Variants in HECW1 observed in about 807,000 individuals in gnomAD.
HECW1 encodes HECT, C2 and WW domain containing E3 ubiquitin protein ligase 1, also known as E3 ubiquitin-protein ligase HECW1.
HECW1 carries 61 observed loss-of-function variants against 182.3 expected under a neutral mutation model. That is an observed-to-expected ratio of 0.33 (90% CI 0.27 to 0.41). The LOEUF (loss-of-function observed/expected upper bound fraction) is 0.41. Among genes scored for constraint, HECW1 ranks in the 10% least tolerant of loss-of-function variants. The pLI is 1.00. For missense variants in HECW1, 1,739 were observed against 2,108.9 expected, an observed-to-expected ratio of 0.82 and a Z score of 3.44; for synonymous variants, 859 against 832.6, an observed-to-expected ratio of 1.03 and a Z score of -0.55.
intron 2 of HECW1, among the ~76,000 whole-genome samples, chr7:43,225,047 C>A (rs1321696744): frequency 2.0e-5 from 3 of 152,060 alleles, no homozygotes; most frequent in African/African-American, 7.2e-5. Context: ...AGATTGGTGG[C>A]AGGTAAATCC....
At chr7:43,208,524 G>A (rs900580958) in intron 2 of HECW1, among the ~76,000 whole-genome samples, 6 of 152,228 alleles carry the variant, frequency 3.9e-5, no homozygotes, top group African/African-American at 1.2e-4. Context: ...CAGGGTCTGG[G>A]CCTGGCAGTA....
At chr7:43,126,029 G>A (rs1786197198) in intron 2 of HECW1, among the ~76,000 whole-genome samples, 1 of 140,870 alleles carries the variant, frequency 7.1e-6, no homozygotes, top group African/African-American at 2.6e-5. Flanking sequence ...CAAAATCCAT[G>A]TAAATGCAAG....
At chr7:43,520,813 A>G (rs927687608) in intron 24 of HECW1, among the ~76,000 whole-genome samples, 2 of 152,186 alleles carry the variant, frequency 1.3e-5, no homozygotes, top group Non-Finnish European at 2.9e-5. Context: ...GCTTCTGTGC[A>G]AAATAGCTTG....
chr7:43,538,971 AT>A (rs1293363677), intron 24 of HECW1, among the ~76,000 whole-genome samples: 1 of 151,604 alleles, frequency 6.6e-6, no homozygotes, highest in African/African-American at 2.4e-5. Flanking sequence ...TACTACAAAG[AT>A]TTTTTTTTCT....
At chr7:43,149,201 C>T (rs1299331492) in intron 2 of HECW1, among the ~76,000 whole-genome samples, 4 of 152,132 alleles carry the variant, frequency 2.6e-5, no homozygotes, top group African/African-American at 4.8e-5. Context: ...AGAGCAGCGA[C>T]CCCCTTAACC....
At chr7:43,499,340 A>G (rs1229407174) in intron 19 of HECW1, among the ~76,000 whole-genome samples, 3 of 152,114 alleles carry the variant, frequency 2.0e-5, no homozygotes, top group Middle Eastern at 3.4e-3. Flanking sequence ...GTGGCGGTGC[A>G]TGCCTATAAT....
At position 43,444,242 on chromosome 7, in the gene HECW1, C is replaced by A; in HGVS notation, c.1070C>A (p.Thr357Asn). 1 of 1,608,958 alleles carries A rather than the reference C, an allele frequency of 6.2e-7. No homozygotes were observed. The highest frequency in any genetic ancestry group is 8.5e-7 in the Non-Finnish European group (1 of 1,176,026). Residue 357 changes from threonine to asparagine, a missense_variant, in exon 11 of 30, where the codon ACC becomes AAC. Coordinates refer to ENST00000395891, the MANE Select transcript of HECW1 (RefSeq NM_015052.5). This position sits in a 1 kb window ranked among gnomAD's most constrained non-coding sequence, Gnocchi z 4.3. ...HPDDEEISLSTEPESAQIQDS... is the reference protein window; with the variant it reads ...HPDDEEISLSNEPESAQIQDS... The stretch of plus-strand genomic sequence containing the variant: ...GATGATGAGGAGATTTCCCTGAGTA[C>A]CGAGCCTGAGTCAGCCCAAATTCAG...
At chr7:43,410,178 T>C (rs2075753063) in intron 8 of HECW1, among the ~76,000 whole-genome samples, 1 of 152,188 alleles carries the variant, frequency 6.6e-6, no homozygotes, top group Admixed American at 6.5e-5. Context: ...ATTTTCTTCC[T>C]GGGAGAAAAT....
intron 2 of HECW1, among the ~76,000 whole-genome samples, chr7:43,237,096 T>A (rs1267965737): frequency 9.1e-6 from 1 of 110,260 alleles, no homozygotes; most frequent in African/African-American, 3.8e-5. Flanking sequence ...GAAGCAGGGA[T>A]GGGAGGGAGG....
intron 3 of HECW1, among the ~76,000 whole-genome samples, chr7:43,294,195 C>T (rs1444573888): frequency 6.6e-6 from 1 of 152,230 alleles, no homozygotes; most frequent in Non-Finnish European, 1.5e-5. Context: ...GAGCTGCTCA[C>T]TCCCAAAAGG....
intron 2 of HECW1, among the ~76,000 whole-genome samples, chr7:43,182,168 T>C (rs1341287640): frequency 6.6e-6 from 1 of 152,228 alleles, no homozygotes; most frequent in East Asian, 1.9e-4. Flanking sequence ...TATTTCCACT[T>C]GTCTATTTTT....
chr7:43,354,825 A>G (rs931435168), intron 5 of HECW1, among the ~76,000 whole-genome samples: 1 of 152,198 alleles, frequency 6.6e-6, no homozygotes, highest in Non-Finnish European at 1.5e-5. Flanking sequence ...GAGAACACCA[A>G]ACAGATTCAA....
intron 2 of HECW1, among the ~76,000 whole-genome samples, chr7:43,170,794 G>A (rs1287465326): frequency 6.6e-6 from 1 of 152,210 alleles, no homozygotes; most frequent in Non-Finnish European, 1.5e-5. Context: ...AGCTGACCGT[G>A]CAAAGGTGGG....
At chr7:43,242,769 G>A (rs1301334125) in intron 2 of HECW1, among the ~76,000 whole-genome samples, 1 of 152,216 alleles carries the variant, frequency 6.6e-6, no homozygotes, top group Non-Finnish European at 1.5e-5. Flanking sequence ...ATGGGGCAGA[G>A]CTGGGGCAGC....
chr7:43,211,785 C>T (rs578249675), intron 2 of HECW1, among the ~76,000 whole-genome samples: 1 of 152,280 alleles, frequency 6.6e-6, no homozygotes, highest in East Asian at 1.9e-4. Flanking sequence ...TAAATCAAGA[C>T]ATCATAAACC....
chr7:43,475,484 G>A (rs941485245), intron 16 of HECW1, among the ~76,000 whole-genome samples: 2 of 152,140 alleles, frequency 1.3e-5, no homozygotes, highest in East Asian at 1.9e-4. Flanking sequence ...AGACTTAGTA[G>A]CATTAGGGAA....
chr7:43,164,804 T>G (rs553311227), intron 2 of HECW1, among the ~76,000 whole-genome samples: 1 of 152,320 alleles, frequency 6.6e-6, no homozygotes, highest in Non-Finnish European at 1.5e-5. Flanking sequence ...TCTTCCAGAA[T>G]TAGAAAGGAG....
chr7:43,391,058 G>T (rs1029809015), intron 6 of HECW1, among the ~76,000 whole-genome samples: 2 of 152,090 alleles, frequency 1.3e-5, no homozygotes, highest in Non-Finnish European at 2.9e-5. Context: ...TTTAGAATTT[G>T]GCAGGAGACA....
intron 24 of HECW1, among the ~76,000 whole-genome samples, chr7:43,515,233 G>A (rs988201861): frequency 6.6e-6 from 1 of 152,130 alleles, no homozygotes; most frequent in African/African-American, 2.4e-5. Flanking sequence ...GTCGGGTAGG[G>A]AAAAGCATTT....
Sources: allele counts gnomAD v4.1 joint callset (sites outside exome capture counted in the v4.1 genomes callset), GRCh38; gene constraint gnomAD v4.1.1; non-coding constraint Gnocchi (gnomAD v3.1); transcripts MANE v1.5; gene names NCBI Gene and HGNC (gene_info 2026-07-23, HGNC 2026-07-21).